Variants in CSTF3 observed in about 807,000 individuals in gnomAD.
The protein encoded by CSTF3 is CF-1 77 kDa subunit.
In CSTF3, 29 loss-of-function variants were observed where a neutral mutation model predicts 105.8. The ratio of observed to expected loss-of-function variants is 0.27; its 90% CI spans 0.20 to 0.37. The LOEUF (loss-of-function observed/expected upper bound fraction) is 0.37, where lower values mean the gene tolerates loss of function less well. Ranked by LOEUF, CSTF3 falls within the 10% of genes least tolerant of loss-of-function variation. The probability of loss-of-function intolerance (pLI) is 1.00; values close to 1 mark genes in which losing one functional copy is unlikely to be tolerated. For synonymous variants in CSTF3, 252 were observed against 281.9 expected (o/e 0.89, Z 1.06); for missense variants, 357 against 879.3 (o/e 0.41, Z 7.51).
intron 17 of CSTF3, 75 bp from the exon 18 acceptor site, chr11:33,087,216 G>A (rs1855115281): frequency 6.8e-7 from 1 of 1,476,384 alleles, no homozygotes; most frequent in African/African-American, 1.4e-5. Flanking sequence ...TAACCTTGAG[G>A]ATACAGTGTG....
chr11:33,099,228 T>TA lies in CSTF3; in HGVS notation c.937-79dup. ...AGAATAAAATTAATAAAGTTACATC[T>TA]ACTTTATTTTATTTATGTGTCTAAG... is the stretch of plus-strand genomic sequence containing the variant. On this transcript the variant is annotated intron_variant, in intron 11 of 20. Coordinates refer to ENST00000323959, the MANE Select transcript of CSTF3 (RefSeq NM_001326.3). This position sits in a 1 kb window ranked among gnomAD's most constrained non-coding sequence, Gnocchi z 4.1. 6.8e-7 allele frequency: 1 copy of TA among 1,478,984 alleles called. No individual in the cohort carries two copies. The highest frequency in any genetic ancestry group is 9.1e-7 in the Non-Finnish European group (1 of 1,100,628). 91.6% of individuals were successfully genotyped at this position (1,478,984 alleles called of 1,614,324 possible).
chr11:33,106,804 C>G (rs928318481), intron 5 of CSTF3, among the ~76,000 whole-genome samples: 15 of 152,058 alleles, frequency 9.9e-5, no homozygotes, highest in Middle Eastern at 3.2e-3. Context: ...TTGCATAATT[C>G]TATACATAGC....
chr11:33,159,754 C>T (rs1255374785), intron 1 of CSTF3, among the ~76,000 whole-genome samples: 1 of 151,994 alleles, frequency 6.6e-6, no homozygotes, highest in East Asian at 1.9e-4. Context: ...GTGTGAGTGA[C>T]AAAGACTCTG....
intron 1 of CSTF3, among the ~76,000 whole-genome samples, chr11:33,158,244 T>C (rs2133812100): frequency 6.6e-6 from 1 of 152,102 alleles, no homozygotes; most frequent in Admixed American, 6.5e-5. Context: ...GATAATCAGA[T>C]GTCTAAATTG....
At chr11:33,124,624 T>C (rs994031801) in intron 3 of CSTF3, among the ~76,000 whole-genome samples, 1 of 152,198 alleles carries the variant, frequency 6.6e-6, no homozygotes, top group Non-Finnish European at 1.5e-5. Context: ...AAAACTTTCA[T>C]TGGAACAGAG....
intron 18 of CSTF3, among the ~76,000 whole-genome samples, 192 bp from the exon 19 acceptor site, chr11:33,086,181 GAAGTAGAC>G (rs1855103561): frequency 6.6e-6 from 1 of 152,246 alleles, no homozygotes; most frequent in Non-Finnish European, 1.5e-5. Context: ...GGGAGGCAGA[GAAGTAGAC>G]AAGTGACTTT....
At chr11:33,108,235 C>T in intron 4 of CSTF3, 151 bp downstream of exon 4, 1 of 801,882 alleles carries the variant, frequency 1.2e-6, no homozygotes, top group Non-Finnish European at 1.8e-6. Flanking sequence ...TGAACATTTT[C>T]AAGCATATAA....
At chr11:33,146,840 A>G (rs1202048234) in intron 1 of CSTF3, among the ~76,000 whole-genome samples, 2 of 151,020 alleles carry the variant, frequency 1.3e-5, no homozygotes, top group Admixed American at 6.6e-5. Flanking sequence ...AATTCTTTCA[A>G]TGGGTTTACT....
At chr11:33,088,703 C>G (rs1855134207) in intron 17 of CSTF3, among the ~76,000 whole-genome samples, 1 of 152,124 alleles carries the variant, frequency 6.6e-6, no homozygotes, top group Admixed American at 6.6e-5. Context: ...GTAGGCTCAG[C>G]TTCCCTCCTG....
rs1855094550 is a variant in CSTF3 at position 33,085,383 on chromosome 11, T to TTA, written c.1952-95_1952-94insTA. 1.1e-5 allele frequency: 12 copies of TTA among 1,061,776 alleles called. No homozygotes were observed. The South Asian group carries it at 1.7e-4, about 15-fold the overall frequency. 65.8% of individuals were successfully genotyped at this position (1,061,776 alleles called of 1,614,324 possible). On this transcript the variant is annotated intron_variant, in intron 20 of 20. Transcript: ENST00000323959. ...GATACTTTATTTCATAGCCTACTAT[T>TTA]TTAGCAAAACATGGGATAGTACTAC...
intron 8 of CSTF3, among the ~76,000 whole-genome samples, chr11:33,104,642 G>C (rs1002309802): frequency 1.3e-5 from 2 of 152,122 alleles, no homozygotes; most frequent in Admixed American, 1.3e-4. Flanking sequence ...GGGCATGCCT[G>C]TAGTCTTAGC....
chr11:33,105,574 T>C lies in CSTF3; in HGVS notation c.578A>G (p.Tyr193Cys). The part of the protein sequence containing the change: ...IEQLWRDYNK[Y>C]EEGINIHLAK... Reference sequence around the variant, plus strand: ...TACTCTGACCTAATTTACCTCTTCATACTTGTTATAGTCTCTCCAGAGCTG... The same window carrying C: ...TACTCTGACCTAATTTACCTCTTCACACTTGTTATAGTCTCTCCAGAGCTG... Residue 193 changes from tyrosine to cysteine, a missense_variant, in exon 8 of 21, where the codon TAT becomes TGT. Physicochemically the swap from Tyr to Cys is radical, Grantham distance 194. This residue lies in a region of CSTF3 where 206 missense variants were observed against 576.5 expected (regional missense o/e 0.36). Coordinates refer to ENST00000323959, the MANE Select transcript of CSTF3 (RefSeq NM_001326.3). 1 of 1,608,486 alleles carries C rather than the reference T, an allele frequency of 6.2e-7. No homozygotes were observed. The highest frequency in any genetic ancestry group is 8.5e-7 in the Non-Finnish European group (1 of 1,178,454).
At chr11:33,088,820 T>G (rs989138242) in intron 17 of CSTF3, among the ~76,000 whole-genome samples, 4 of 152,076 alleles carry the variant, frequency 2.6e-5, no homozygotes, top group Admixed American at 2.6e-4. Flanking sequence ...GATTTCATCA[T>G]GTTTCCCAGG....
chr11:33,100,614 C>T (rs1393720532), intron 10 of CSTF3, among the ~76,000 whole-genome samples: 5 of 152,100 alleles, frequency 3.3e-5, no homozygotes, highest in Non-Finnish European at 7.4e-5. Flanking sequence ...GGAGGACAGA[C>T]AGAAAGCAAA....
intron 1 of CSTF3, among the ~76,000 whole-genome samples, 185 bp downstream of exon 1, chr11:33,161,114 G>A (rs969988387): frequency 5.9e-5 from 9 of 151,766 alleles, no homozygotes; most frequent in Admixed American, 5.9e-4. Flanking sequence ...ATGCCTAAGA[G>A]AGAGAAGTAA....
At position 33,090,650 on chromosome 11, in the gene CSTF3, C is replaced by T. The variant is rs768987291; in HGVS notation, c.1523G>A (p.Arg508Gln). ...LASILKVEKR[R>Q]FTAFKEEYEG... ...ATACTCTTCTTTGAATGCTGTAAACCGTCTTTTCTCCACTTTGAGTATACT... is the reference window on the plus strand; with the variant it reads ...ATACTCTTCTTTGAATGCTGTAAACTGTCTTTTCTCCACTTTGAGTATACT... The change falls in exon 17 of 21, where the codon CGG (arginine) becomes CAG (glutamine). Residue 508 changes from arginine to glutamine, a missense_variant. By Grantham distance (43) the Arg-to-Gln change is conservative (BLOSUM62 1). Around this residue, in one of 4 missense-constraint regions of CSTF3, gnomAD observed 206 missense variants for 576.5 expected, o/e 0.36. Transcript: ENST00000323959. 20 of 1,611,802 alleles carry T rather than the reference C, an allele frequency of 1.2e-5. No homozygotes were observed. The Admixed American group carries it at 2.9e-4, about 23-fold the overall frequency.
At chr11:33,114,467 A>G (rs1855410974) in intron 3 of CSTF3, among the ~76,000 whole-genome samples, 1 of 151,986 alleles carries the variant, frequency 6.6e-6, no homozygotes, top group South Asian at 2.1e-4. Flanking sequence ...GGAAAAAAAA[A>G]TCCCATAAAG....
intron 1 of CSTF3, among the ~76,000 whole-genome samples, chr11:33,142,787 CG>C (rs1424985306): frequency 6.6e-6 from 1 of 151,992 alleles, no homozygotes; most frequent in African/African-American, 2.4e-5. Flanking sequence ...TCGCTTTTTA[CG>C]TATTTATAAA....
chr11:33,156,698 G>A (rs1270167978), intron 1 of CSTF3: 2 of 453,558 alleles, frequency 4.4e-6, no homozygotes, highest in East Asian at 1.4e-4. Context: ...AAATATGGCT[G>A]GACTCACACC....
Sources: gnomAD v4.1 joint callset for allele counts (sites outside exome capture counted in the v4.1 genomes callset) on GRCh38, gnomAD v4.1.1 for gene constraint, gnomAD v4.1.1 regional missense constraint, Gnocchi (gnomAD v3.1) non-coding constraint, MANE v1.5 for transcripts, NCBI Gene and HGNC (gene_info 2026-07-23, HGNC 2026-07-21) for gene names.